The following SMYD3 variants were observed in gnomAD, a reference collection of about 807,000 sequenced individuals.
SMYD3 encodes histone-lysine N-methyltransferase SMYD3.
A neutral mutation model predicts 57.7 loss-of-function variants in SMYD3; 36 were observed. The ratio of observed to expected loss-of-function variants is 0.62; its 90% CI spans 0.48 to 0.82. The LOEUF (loss-of-function observed/expected upper bound fraction) is 0.82, where lower values mean the gene tolerates loss of function less well. SMYD3 is among the 40% of genes least tolerant of loss of function. SMYD3 has a pLI of 0.00. For missense variants in SMYD3, 515 were observed against 538.8 expected (o/e 0.96, Z 0.44); for synonymous variants, 211 against 195.0 (o/e 1.08, Z -0.68).
intron 5 of SMYD3, chr1:245,988,516 T>C (rs1433114466): frequency 1.3e-5 from 2 of 152,214 alleles, no homozygotes; most frequent in African/African-American, 2.4e-5. Context: ...TCTTCTTCTG[T>C]AGCTTCTGTA....
At chr1:246,397,061 T>C (rs1282981824) in intron 1 of SMYD3, among the ~76,000 whole-genome samples, 2 of 152,230 alleles carry the variant, frequency 1.3e-5, no homozygotes, top group African/African-American at 4.8e-5. Context: ...TTCGGAAAAC[T>C]GTACCATCTC....
chr1:246,092,953 C>T (rs114070971), intron 5 of SMYD3, among the ~76,000 whole-genome samples: 1,658 of 151,500 alleles, frequency 0.011, 20 homozygotes, highest in Non-Finnish European at 0.016. Flanking sequence ...GGCAAATTAA[C>T]TGAATAAACT....
chr1:246,265,571 T>G (rs1051756553), intron 5 of SMYD3, among the ~76,000 whole-genome samples: 3 of 151,816 alleles, frequency 2.0e-5, no homozygotes, highest in Non-Finnish European at 4.4e-5. Context: ...AAAAAGCACA[T>G]CTTTCAGGGA....
At chr1:246,178,567 A>C (rs765353312) in intron 5 of SMYD3, among the ~76,000 whole-genome samples, 1 of 152,184 alleles carries the variant, frequency 6.6e-6, no homozygotes, top group Non-Finnish European at 1.5e-5. Context: ...CAAGCAAATG[A>C]ATGAATGGAC....
chr1:245,955,850 A>G, intron 5 of SMYD3: 1 of 759,412 alleles, frequency 1.3e-6, no homozygotes. Context: ...ATCATACTGC[A>G]TTGATGATTT....
chr1:245,761,623 C>T lies in SMYD3; in HGVS notation c.1185+2418G>A, dbSNP rs931817446. ...TTTCCCTGAGTTGGCATCATGGGTTCGGTTAGATCTTAAGGGATTTCTGCA... is the reference window on the plus strand; with the variant it reads ...TTTCCCTGAGTTGGCATCATGGGTTTGGTTAGATCTTAAGGGATTTCTGCA... On this transcript the variant is annotated intron_variant, in intron 11 of 11. Coordinates refer to ENST00000490107, the MANE Select transcript of SMYD3 (RefSeq NM_001167740.2). Among the ~76,000 whole-genome samples, 9 of 152,184 alleles carry T rather than the reference C, an allele frequency of 5.9e-5. No homozygotes were observed. In the South Asian group the frequency reaches 6.2e-4, roughly 11 times the overall value.
At chr1:246,299,617 T>C (rs1445612910) in intron 5 of SMYD3, among the ~76,000 whole-genome samples, 1 of 152,164 alleles carries the variant, frequency 6.6e-6, no homozygotes. Context: ...GACTGAATTT[T>C]TAAAATGTGG....
At chr1:246,199,984 T>G (rs1049145495) in intron 5 of SMYD3, among the ~76,000 whole-genome samples, 4 of 151,118 alleles carry the variant, frequency 2.6e-5, no homozygotes, top group South Asian at 4.2e-4. Context: ...TGAGGTAGAA[T>G]GTACACAGAC....
intron 5 of SMYD3, among the ~76,000 whole-genome samples, chr1:246,283,572 C>T (rs2064496327): frequency 1.3e-5 from 2 of 152,190 alleles, no homozygotes; most frequent in South Asian, 2.1e-4. Context: ...TTCATATATA[C>T]CTGTGTATGT....
chr1:246,424,538 A>G lies in SMYD3; in HGVS notation c.165-69444T>C, dbSNP rs147663354. Among the ~76,000 whole-genome samples the G allele has an allele frequency of 4.6e-3, 701 of 152,342 alleles. 9 individuals are homozygous for G. The highest frequency in any genetic ancestry group is 0.016 in the African/African-American group (656 of 41,588). The stretch of plus-strand genomic sequence containing the variant: ...GTTGGGAATAAAGCTGAAAACCAAC[A>G]TCTTTACTAATTGATATAAATGTCT... On this transcript the variant is annotated intron_variant, in intron 1 of 11. Transcript: ENST00000490107.
At chr1:246,506,999 C>CCCCCCCCCCCCAAA in intron 1 of SMYD3, 55 bp downstream of exon 1, 1 of 972,794 alleles carries the variant, frequency 1.0e-6, no homozygotes. Context: ...GCCCCCCCCT[C>CCCCCCCCCCCCAAA]CCCAGCACCC....
At chr1:246,319,220 C>G (rs145151779) in intron 5 of SMYD3, among the ~76,000 whole-genome samples, 9 of 152,262 alleles carry the variant, frequency 5.9e-5, no homozygotes, top group African/African-American at 1.9e-4. Flanking sequence ...TAGCTGTTTG[C>G]CTGCTTTACT....
intron 2 of SMYD3, among the ~76,000 whole-genome samples, chr1:246,345,290 A>G (rs182529073): frequency 2.6e-4 from 40 of 152,326 alleles, no homozygotes; most frequent in African/African-American, 7.5e-4. Flanking sequence ...TGTGCATATT[A>G]GCACAATTTT....
At chr1:246,079,226 C>G (rs567159381) in intron 5 of SMYD3, among the ~76,000 whole-genome samples, 4 of 151,994 alleles carry the variant, frequency 2.6e-5, no homozygotes, top group Non-Finnish European at 5.9e-5. Flanking sequence ...TCCTTCATCC[C>G]AATGAAGCTG....
At chr1:246,224,076 T>C (rs900792459) in intron 5 of SMYD3, among the ~76,000 whole-genome samples, 1 of 152,134 alleles carries the variant, frequency 6.6e-6, no homozygotes, top group Non-Finnish European at 1.5e-5. Flanking sequence ...GGTTCTGTTT[T>C]ATCTTTTTTC....
chr1:246,200,251 T>A (rs921338497), intron 5 of SMYD3, among the ~76,000 whole-genome samples: 1 of 150,456 alleles, frequency 6.6e-6, no homozygotes, highest in Non-Finnish European at 1.5e-5. Flanking sequence ...CCCACTGTAA[T>A]AGAGTAGAGA....
In SMYD3 at chr1:246,202,421, G is replaced by A. The variant is rs1227002148; in HGVS notation, c.531+124780C>T. On this transcript the variant is annotated intron_variant, in intron 5 of 11. Transcript: ENST00000490107. The surrounding 1 kb of genome is among the most constrained non-coding windows in gnomAD (Gnocchi z 4.1). The stretch of plus-strand genomic sequence containing the variant: ...TAGCCCAAGTTCTTTTTCCAACCAA[G>A]TCAGAGGACTCCTGCTACTGCAAAC... Among the ~76,000 whole-genome samples the A allele has an allele frequency of 6.6e-6, 1 of 152,044 alleles. No individual in the cohort carries two copies. The highest frequency in any genetic ancestry group is 2.4e-5 in the African/African-American group (1 of 41,372).
chr1:246,249,707 G>A lies in SMYD3; in HGVS notation c.531+77494C>T, dbSNP rs147990645. Among the ~76,000 whole-genome samples, 195 of 152,214 alleles carry A rather than the reference G, an allele frequency of 1.3e-3. 1 individual carries two copies. Among genetic ancestry groups the A allele is most frequent in the African/African-American group, 4.3e-3 (178 of 41,538 alleles). On this transcript the variant is annotated intron_variant, in intron 5 of 11. Transcript: ENST00000490107. ...TCTGTTTCACCCTTAAAAAATGTGT[G>A]TTTGTATTTATGTACTTCCAAAACT...
chr1:245,972,219 G>A (rs556584335), intron 5 of SMYD3, among the ~76,000 whole-genome samples: 4 of 152,282 alleles, frequency 2.6e-5, no homozygotes, highest in Admixed American at 2.0e-4. Flanking sequence ...TTTTCATTCG[G>A]ATACCAAGTC....
Sources: gnomAD v4.1 joint callset for allele counts (sites outside exome capture counted in the v4.1 genomes callset) on GRCh38, gnomAD v4.1.1 for gene constraint, Gnocchi (gnomAD v3.1) non-coding constraint, MANE v1.5 for transcripts, NCBI Gene and HGNC (gene_info 2026-07-23, HGNC 2026-07-21) for gene names.